Variants in ANO3 observed in about 807,000 individuals in gnomAD.
ANO3 encodes anoctamin-3.
In ANO3, 99 loss-of-function variants were observed where a neutral mutation model predicts 144.8. The observed-to-expected ratio is 0.68, with a 90% CI of 0.58 to 0.81. The LOEUF is 0.81. Among genes scored for constraint, ANO3 ranks in the 30% least tolerant of loss-of-function variants. The probability of loss-of-function intolerance (pLI) is 0.00; values close to 1 mark genes in which losing one functional copy is unlikely to be tolerated. For missense variants in ANO3, 905 were observed against 1,202.2 expected (o/e 0.75, Z 3.66); for synonymous variants, 414 against 392.6 (o/e 1.05, Z -0.64).
chr11:26,646,617 A>T (rs1315709208), intron 23 of ANO3, among the ~76,000 whole-genome samples: 1 of 152,134 alleles, frequency 6.6e-6, no homozygotes, highest in Non-Finnish European at 1.5e-5. Context: ...TTTGAGTGCC[A>T]TTTCTCTGAA....
chr11:26,315,319 ATCT>A (rs1854596894), intron 1 of ANO3, among the ~76,000 whole-genome samples: 1 of 152,118 alleles, frequency 6.6e-6, no homozygotes, highest in Non-Finnish European at 1.5e-5. Flanking sequence ...AGTTTTTCTA[ATCT>A]TCTGCTCTCC....
intron 5 of ANO3, 57 bp downstream of exon 5, chr11:26,508,319 A>T: frequency 6.7e-7 from 1 of 1,485,786 alleles, no homozygotes. Flanking sequence ...AGATATAATC[A>T]CTTATGGTTT....
chr11:26,406,676 AGTGTGTGTGTGTGTGTGT>A (rs72102663), intron 1 of ANO3, among the ~76,000 whole-genome samples: 37 of 119,338 alleles, frequency 3.1e-4, no homozygotes, highest in South Asian at 1.0e-3. Context: ...AATCTATGGC[AGTGTGTGTGTGTGTGTGT>A]GTGTGTGTGT....
intron 1 of ANO3, among the ~76,000 whole-genome samples, chr11:26,379,855 G>C (rs1856540858): frequency 6.6e-6 from 1 of 152,130 alleles, no homozygotes; most frequent in Admixed American, 6.6e-5. Flanking sequence ...AAAGAACTAG[G>C]TGGTGAATTG....
intron 3 of ANO3, among the ~76,000 whole-genome samples, chr11:26,455,920 T>C (rs369773779): frequency 1.3e-5 from 2 of 151,540 alleles, no homozygotes; most frequent in Admixed American, 6.6e-5. Flanking sequence ...AATAATGCCA[T>C]ATATCTACAA....
chr11:26,379,707 C>A (rs1856532566), intron 1 of ANO3, among the ~76,000 whole-genome samples: 1 of 152,044 alleles, frequency 6.6e-6, no homozygotes, highest in African/African-American at 2.4e-5. Context: ...ATGGGAGGAT[C>A]ACTTGAGCCT....
intron 1 of ANO3, among the ~76,000 whole-genome samples, chr11:26,366,749 T>G (rs528671566): frequency 6.1e-4 from 91 of 149,716 alleles, no homozygotes; most frequent in African/African-American, 2.2e-3. Context: ...CATTTTTTCA[T>G]GTGTCTGTTG....
intron 1 of ANO3, among the ~76,000 whole-genome samples, chr11:26,429,868 CAA>C (rs1315792621): frequency 6.6e-6 from 1 of 151,986 alleles, no homozygotes; most frequent in African/African-American, 2.4e-5. Flanking sequence ...ATAGGAAATG[CAA>C]AGAGATAGAT....
intron 1 of ANO3, among the ~76,000 whole-genome samples, chr11:26,352,213 G>A (rs1459162303): frequency 1.3e-5 from 2 of 152,108 alleles, no homozygotes; most frequent in African/African-American, 4.8e-5. Flanking sequence ...TACTACCCAA[G>A]AACTCATTTC....
chr11:26,341,567 T>C (rs993129434), intron 1 of ANO3, among the ~76,000 whole-genome samples: 3 of 152,222 alleles, frequency 2.0e-5, no homozygotes, highest in Non-Finnish European at 4.4e-5. Flanking sequence ...TTCGCAGATG[T>C]ATTAGGATTC....
chr11:26,319,965 A>G lies in ANO3; in HGVS notation c.-3+10246A>G, dbSNP rs140389296. Among the ~76,000 whole-genome samples the G allele has an allele frequency of 2.2e-3, 337 of 152,274 alleles. 2 individuals are homozygous for G. The highest frequency in any genetic ancestry group is 0.02 in the Admixed American group (301 of 15,298). On this transcript the variant is annotated intron_variant, in intron 1 of 26. Transcript: ENST00000525139. ...ACCCAGTTGTAAGATTTGTGAGACAATGAGAATCCAAAAGAGAAAGCAGGA... is the reference window on the plus strand; with the variant it reads ...ACCCAGTTGTAAGATTTGTGAGACAGTGAGAATCCAAAAGAGAAAGCAGGA...
chr11:26,615,997 G>C (rs1179531605), intron 17 of ANO3, among the ~76,000 whole-genome samples: 3 of 152,140 alleles, frequency 2.0e-5, no homozygotes, highest in Admixed American at 2.0e-4. Flanking sequence ...AATATGTCTA[G>C]TAATATAAAC....
intron 17 of ANO3, among the ~76,000 whole-genome samples, chr11:26,608,539 G>A (rs1354634477): frequency 6.6e-6 from 1 of 152,124 alleles, no homozygotes; most frequent in Non-Finnish European, 1.5e-5. Flanking sequence ...AGAATTAAGA[G>A]GAGGAAAGGC....
intron 1 of ANO3, among the ~76,000 whole-genome samples, chr11:26,313,927 T>C (rs1255645029): frequency 6.7e-6 from 1 of 149,398 alleles, no homozygotes; most frequent in East Asian, 1.9e-4. Context: ...AAGAAAGAGA[T>C]AGAGACAGAA....
At chr11:26,345,606 G>A (rs1190776127) in intron 1 of ANO3, among the ~76,000 whole-genome samples, 3 of 152,034 alleles carry the variant, frequency 2.0e-5, no homozygotes, top group Non-Finnish European at 2.9e-5. Context: ...TACTTAGCAG[G>A]AAATAAAAGC....
At chr11:26,499,973 T>A (rs1350578286) in intron 4 of ANO3, among the ~76,000 whole-genome samples, 1 of 151,946 alleles carries the variant, frequency 6.6e-6, no homozygotes, top group Non-Finnish European at 1.5e-5. Context: ...TTCTACCCAC[T>A]CCTCCCTCAG....
chr11:26,258,113 C>T (rs1853101432), intron 1 of ANO3, among the ~76,000 whole-genome samples: 1 of 152,080 alleles, frequency 6.6e-6, no homozygotes, highest in African/African-American at 2.4e-5. Flanking sequence ...AACTTCCATA[C>T]TAATGTCAGA....
At chr11:26,601,805 G>T (rs1315742604) in intron 17 of ANO3, among the ~76,000 whole-genome samples, 1 of 152,212 alleles carries the variant, frequency 6.6e-6, no homozygotes, top group Non-Finnish European at 1.5e-5. Context: ...CTAAGTAGTT[G>T]TGTCGATTTC....
chr11:26,381,649 G>A (rs990632156), intron 1 of ANO3, among the ~76,000 whole-genome samples: 1 of 152,134 alleles, frequency 6.6e-6, no homozygotes, highest in Non-Finnish European at 1.5e-5. Context: ...CTGAAAGAAT[G>A]ATTTCATTGG....
Sources: gnomAD v4.1 joint callset for allele counts (sites outside exome capture counted in the v4.1 genomes callset) on GRCh38, gnomAD v4.1.1 for gene constraint, MANE v1.5 for transcripts, NCBI Gene and HGNC (gene_info 2026-07-23, HGNC 2026-07-21) for gene names.